The following RBMS3 variants were observed in gnomAD, a reference collection of about 807,000 sequenced individuals.
The protein encoded by RBMS3 is RNA-binding motif, single-stranded-interacting protein 3.
Under a neutral mutation model 66.8 loss-of-function variants are expected in RBMS3, and 27 were observed. The ratio of observed to expected loss-of-function variants is 0.40; its 90% CI spans 0.30 to 0.56. The LOEUF (loss-of-function observed/expected upper bound fraction) is 0.56, where lower values mean the gene tolerates loss of function less well. Ranked by LOEUF, RBMS3 falls within the 20% of genes least tolerant of loss-of-function variation. The pLI, the probability that RBMS3 is intolerant of heterozygous loss-of-function variation, is 0.40. For missense variants in RBMS3, 513 were observed against 549.5 expected, an observed-to-expected ratio of 0.93 and a Z score of 0.66; for synonymous variants, 188 against 183.0, an observed-to-expected ratio of 1.03 and a Z score of -0.22.
intron 4 of RBMS3, among the ~76,000 whole-genome samples, chr3:29,621,422 A>G (rs988540304): frequency 2.6e-5 from 4 of 152,172 alleles, no homozygotes; most frequent in African/African-American, 9.7e-5. Context: ...TGTGCAAGAT[A>G]GGGCTGGAAC....
chr3:29,308,536 A>G (rs1470251531), intron 1 of RBMS3, among the ~76,000 whole-genome samples: 2 of 151,730 alleles, frequency 1.3e-5, no homozygotes, highest in African/African-American at 4.8e-5. Context: ...GTTATATTTG[A>G]TATAGGAACC....
intron 1 of RBMS3, among the ~76,000 whole-genome samples, chr3:29,358,972 T>C (rs2037397449): frequency 6.6e-6 from 1 of 152,210 alleles, no homozygotes; most frequent in Non-Finnish European, 1.5e-5. Context: ...TTTCTAGATA[T>C]ACAATCATGT....
intron 3 of RBMS3, among the ~76,000 whole-genome samples, chr3:29,511,544 T>G (rs924662208): frequency 6.6e-6 from 1 of 152,140 alleles, no homozygotes; most frequent in South Asian, 2.1e-4. Context: ...TTCTAACTCA[T>G]GTCAAAAGAC....
chr3:29,853,339 G>A (rs774779076), intron 6 of RBMS3, among the ~76,000 whole-genome samples: 5 of 150,858 alleles, frequency 3.3e-5, no homozygotes, highest in Admixed American at 6.6e-5. Context: ...CTTAAAATTG[G>A]TAACTATGTA....
At chr3:29,846,693 TA>T (rs552707934) in intron 6 of RBMS3, among the ~76,000 whole-genome samples, 106 of 152,236 alleles carry the variant, frequency 7.0e-4, no homozygotes, top group Admixed American at 2.5e-3. Context: ...AAATACTCTC[TA>T]AAAAAATGTG....
At chr3:29,848,122 C>T (rs71321110) in intron 6 of RBMS3, among the ~76,000 whole-genome samples, 2,677 of 152,266 alleles carry the variant, frequency 0.018, 29 homozygotes, top group Admixed American at 0.03. Flanking sequence ...TATTGTTTCT[C>T]AGTTTCTGTT....
At chr3:29,422,896 A>G (rs1246387796) in intron 1 of RBMS3, among the ~76,000 whole-genome samples, 1 of 152,180 alleles carries the variant, frequency 6.6e-6, no homozygotes, top group African/African-American at 2.4e-5. Context: ...TAGATTTAGG[A>G]CTTCAAAGGC....
chr3:29,342,354 T>A (rs1019048872), intron 1 of RBMS3, among the ~76,000 whole-genome samples: 3 of 152,158 alleles, frequency 2.0e-5, no homozygotes, highest in African/African-American at 7.2e-5. Flanking sequence ...TAATGGTAAA[T>A]CTTTAATTAG....
intron 2 of RBMS3, among the ~76,000 whole-genome samples, chr3:29,444,219 G>T (rs2041732441): frequency 6.6e-6 from 1 of 151,018 alleles, no homozygotes; most frequent in Non-Finnish European, 1.5e-5. Flanking sequence ...TAAGTATTTT[G>T]CACGTGAGTA....
In RBMS3 at chr3:29,997,199, T is replaced by C. The variant is rs372565866; in HGVS notation, c.1307+5990T>C. On this transcript the variant is annotated intron_variant, in intron 14 of 14. Coordinates refer to ENST00000383767, the MANE Select transcript of RBMS3 (RefSeq NM_001003793.3). ...TGGATAAATTCCTGGACACATACAC[T>C]CTCTCAAGACTAAACCAGGAAGAAG... 3.3e-4 allele frequency among the ~76,000 whole-genome samples: 50 copies of C among 151,972 alleles called. No individual in the cohort carries two copies. In the East Asian group the frequency reaches 8.5e-3, roughly 26 times the overall value.
At chr3:29,634,935 A>T (rs2049421372) in intron 4 of RBMS3, among the ~76,000 whole-genome samples, 1 of 151,898 alleles carries the variant, frequency 6.6e-6, no homozygotes, top group African/African-American at 2.4e-5. Flanking sequence ...CTGGAGTTCC[A>T]CAGAAGTGCT....
At chr3:29,574,726 A>G (rs1039967840) in intron 3 of RBMS3, among the ~76,000 whole-genome samples, 2 of 150,284 alleles carry the variant, frequency 1.3e-5, no homozygotes, top group Non-Finnish European at 2.9e-5. Context: ...TTGTGTATCC[A>G]TTGTGTGTTT....
chr3:29,806,317 C>A (rs1044265873), intron 6 of RBMS3, among the ~76,000 whole-genome samples: 2 of 151,940 alleles, frequency 1.3e-5, no homozygotes, highest in Admixed American at 1.3e-4. Flanking sequence ...AGCTAAATGA[C>A]AAAATGCTTC....
chr3:29,344,567 C>A (rs2036465814), intron 1 of RBMS3, among the ~76,000 whole-genome samples: 1 of 151,994 alleles, frequency 6.6e-6, no homozygotes, highest in African/African-American at 2.4e-5. Flanking sequence ...AATGATATTC[C>A]CTTTTTTGAG....
chr3:29,963,673 C>T (rs1035698832), intron 12 of RBMS3, among the ~76,000 whole-genome samples: 6 of 151,822 alleles, frequency 4.0e-5, no homozygotes, highest in African/African-American at 1.2e-4. Flanking sequence ...ACTAAAAATA[C>T]AAAAATTAAT....
intron 6 of RBMS3, among the ~76,000 whole-genome samples, chr3:29,854,218 G>T (rs2059015852): frequency 6.6e-6 from 1 of 152,154 alleles, no homozygotes; most frequent in Non-Finnish European, 1.5e-5. Context: ...CCAGCACTGA[G>T]GTCGGCCTCC....
intron 4 of RBMS3, among the ~76,000 whole-genome samples, chr3:29,643,645 T>G (rs367692648): frequency 2.0e-5 from 3 of 152,074 alleles, no homozygotes; most frequent in Admixed American, 6.6e-5. Context: ...AACGTGAAAG[T>G]TGTTTTCTTC....
At chr3:29,905,148 TTTA>T (rs1356433340) in intron 10 of RBMS3, among the ~76,000 whole-genome samples, 3 of 151,884 alleles carry the variant, frequency 2.0e-5, no homozygotes, top group Non-Finnish European at 4.4e-5. Flanking sequence ...AATTCTATGG[TTTA>T]TTGTGAAAGC....
chr3:29,470,977 T>A (rs2042705286), intron 2 of RBMS3, among the ~76,000 whole-genome samples: 1 of 152,144 alleles, frequency 6.6e-6, no homozygotes, highest in Non-Finnish European at 1.5e-5. Flanking sequence ...CCTGATAAAA[T>A]TTTCTAACAG....
Sources: gnomAD v4.1 joint callset for allele counts (sites outside exome capture counted in the v4.1 genomes callset) on GRCh38, gnomAD v4.1.1 for gene constraint, MANE v1.5 for transcripts, NCBI Gene and HGNC (gene_info 2026-07-23, HGNC 2026-07-21) for gene names.